The following CCDC60 variants were observed in gnomAD, a reference collection of about 807,000 sequenced individuals.
CCDC60 encodes the protein coiled-coil domain-containing protein 60.
Under a neutral mutation model 63.5 loss-of-function variants are expected in CCDC60, and 54 were observed. That is an observed-to-expected ratio of 0.85 (90% CI 0.68 to 1.07). The LOEUF is 1.07. Ranked by LOEUF, CCDC60 falls within the 50% of genes least tolerant of loss-of-function variation. The probability of loss-of-function intolerance (pLI) is 0.00; values close to 1 mark genes in which losing one functional copy is unlikely to be tolerated. For synonymous variants in CCDC60, 206 were observed against 238.8 expected, an observed-to-expected ratio of 0.86 and a Z score of 1.27; for missense variants, 651 against 684.3, an observed-to-expected ratio of 0.95 and a Z score of 0.54.
chr12:119,534,770 T>C (rs1217676114), intron 13 of CCDC60, among the ~76,000 whole-genome samples: 1 of 152,250 alleles, frequency 6.6e-6, no homozygotes, highest in Non-Finnish European at 1.5e-5. Context: ...TGAAGCTGAC[T>C]TGATCGTGGT....
At chr12:119,523,664 C>A (rs748982783) in intron 10 of CCDC60, 29 bp from the exon 11 acceptor site, 2 of 1,612,624 alleles carry the variant, frequency 1.2e-6, no homozygotes, top group South Asian at 1.1e-5. Context: ...GGGCTCCATT[C>A]CCCAAGCCCT....
intron 1 of CCDC60, among the ~76,000 whole-genome samples, chr12:119,399,362 G>T (rs777561166): frequency 1.3e-5 from 2 of 152,180 alleles, no homozygotes; most frequent in Non-Finnish European, 2.9e-5. Context: ...CACTGCCAAG[G>T]TTTCCCTTGC....
chr12:119,406,437 T>A (rs1019922217), intron 1 of CCDC60, among the ~76,000 whole-genome samples: 5 of 152,136 alleles, frequency 3.3e-5, no homozygotes, highest in South Asian at 2.1e-4. Context: ...TGAAGTTTTA[T>A]TTTCATCCCT....
chr12:119,409,880 C>A (rs965172328), intron 1 of CCDC60, among the ~76,000 whole-genome samples: 1 of 150,808 alleles, frequency 6.6e-6, no homozygotes, highest in African/African-American at 2.5e-5. Flanking sequence ...TCTCTCTGCC[C>A]TCTTTTCCCA....
At chr12:119,487,897 A>G (rs1305051416) in intron 4 of CCDC60, among the ~76,000 whole-genome samples, 1 of 152,174 alleles carries the variant, frequency 6.6e-6, no homozygotes. Flanking sequence ...ACTGGCATGC[A>G]GTGGTGTGAC....
chr12:119,531,106 T>A (rs908050606), intron 13 of CCDC60, 43 bp downstream of exon 13: 3 of 1,537,518 alleles, frequency 2.0e-6, no homozygotes, highest in African/African-American at 2.7e-5. Context: ...TCAGGTGTCC[T>A]CATTCAATCA....
chr12:119,362,907 T>C (rs865950031), intron 1 of CCDC60, among the ~76,000 whole-genome samples: 2 of 152,324 alleles, frequency 1.3e-5, no homozygotes, highest in Middle Eastern at 3.4e-3. Flanking sequence ...GAGACCAGCT[T>C]GGCCAACATG....
intron 1 of CCDC60, among the ~76,000 whole-genome samples, chr12:119,414,926 A>C (rs142010544): frequency 1.3e-5 from 2 of 152,332 alleles, no homozygotes; most frequent in African/African-American, 4.8e-5. Flanking sequence ...AACCTTGAAC[A>C]ACTTCATCTA....
At chr12:119,527,964 G>A (rs757430793) in intron 11 of CCDC60, among the ~76,000 whole-genome samples, 4 of 151,992 alleles carry the variant, frequency 2.6e-5, no homozygotes, top group Admixed American at 6.5e-5. Flanking sequence ...GATCCACTGC[G>A]CCCGGCATCT....
intron 1 of CCDC60, among the ~76,000 whole-genome samples, chr12:119,427,080 TTTG>T (rs765162848): frequency 1.3e-5 from 2 of 152,190 alleles, no homozygotes; most frequent in Non-Finnish European, 2.9e-5. Context: ...CCAACCAGCC[TTTG>T]TCAAATTTCA....
At chr12:119,361,362 C>T (rs1431615240) in intron 1 of CCDC60, among the ~76,000 whole-genome samples, 3 of 152,080 alleles carry the variant, frequency 2.0e-5, no homozygotes, top group Non-Finnish European at 4.4e-5. Flanking sequence ...TAGCTAGATC[C>T]AAGAGTTTAG....
intron 2 of CCDC60, among the ~76,000 whole-genome samples, chr12:119,471,716 G>A (rs566059316): frequency 6.6e-5 from 10 of 152,184 alleles, no homozygotes; most frequent in African/African-American, 1.9e-4. Context: ...ACGAGGGCAC[G>A]CTCAGAGATT....
intron 1 of CCDC60, among the ~76,000 whole-genome samples, chr12:119,425,993 G>GATGT (rs1956892399): frequency 6.6e-6 from 1 of 152,236 alleles, no homozygotes; most frequent in Non-Finnish European, 1.5e-5. Context: ...AGGGTGAACA[G>GATGT]ATGTTGTATG....
chr12:119,510,703 T>G (rs745666013), intron 7 of CCDC60, among the ~76,000 whole-genome samples: 10 of 152,132 alleles, frequency 6.6e-5, no homozygotes, highest in Non-Finnish European at 1.3e-4. Flanking sequence ...TCCCCCACTT[T>G]CTTCTGTGTC....
intron 1 of CCDC60, among the ~76,000 whole-genome samples, chr12:119,336,092 T>G (rs1238002196): frequency 3.3e-5 from 3 of 91,882 alleles, no homozygotes; most frequent in Non-Finnish European, 6.1e-5. Flanking sequence ...TGGGGACTGT[T>G]GTGGGGTGGG....
intron 1 of CCDC60, among the ~76,000 whole-genome samples, chr12:119,403,721 C>T (rs1030878365): frequency 6.6e-6 from 1 of 152,150 alleles, no homozygotes; most frequent in East Asian, 1.9e-4. Flanking sequence ...TATTGCTATG[C>T]TCCAGCTGGA....
chr12:119,442,817 T>A (rs1324954994), intron 2 of CCDC60, among the ~76,000 whole-genome samples: 1 of 152,254 alleles, frequency 6.6e-6, no homozygotes, highest in Non-Finnish European at 1.5e-5. Context: ...TGTCTAAATT[T>A]ACACGGTGCT....
At chr12:119,475,661 C>T (rs1373822252) in intron 3 of CCDC60, among the ~76,000 whole-genome samples, 1 of 152,164 alleles carries the variant, frequency 6.6e-6, no homozygotes, top group East Asian at 1.9e-4. Context: ...CCTTGGAACC[C>T]GTTAGGACTT....
intron 10 of CCDC60, 57 bp downstream of exon 10, chr12:119,523,058 C>G: frequency 6.9e-7 from 1 of 1,448,922 alleles, no homozygotes. Flanking sequence ...TGACCACACC[C>G]TCTATCTTCC....
Sources: gnomAD v4.1 joint callset for allele counts (sites outside exome capture counted in the v4.1 genomes callset) on GRCh38, gnomAD v4.1.1 for gene constraint, MANE v1.5 for transcripts, NCBI Gene and HGNC (gene_info 2026-07-23, HGNC 2026-07-21) for gene names.